The following GAS7 variants were observed in gnomAD, a reference collection of about 807,000 sequenced individuals.
GAS7 encodes the protein growth arrest-specific protein 7.
A neutral mutation model predicts 71.1 loss-of-function variants in GAS7; 28 were observed. The observed-to-expected ratio is 0.39, with a 90% CI of 0.29 to 0.54. GAS7 has a LOEUF of 0.54. GAS7 is among the 20% of genes least tolerant of loss of function. The pLI is 0.62. For missense variants in GAS7, 436 were observed against 627.8 expected (o/e 0.69, Z 3.27); for synonymous variants, 258 against 245.8 (o/e 1.05, Z -0.46).
intron 6 of GAS7, among the ~76,000 whole-genome samples, chr17:9,946,510 TG>T (rs558139833): frequency 3.9e-5 from 6 of 152,338 alleles, no homozygotes; most frequent in Admixed American, 3.9e-4. Context: ...ATGAGAACAC[TG>T]AGGCCCAAGG....
intron 1 of GAS7, among the ~76,000 whole-genome samples, chr17:10,137,271 A>G (rs1241413264): frequency 6.6e-6 from 1 of 152,004 alleles, no homozygotes; most frequent in Non-Finnish European, 1.5e-5. Context: ...CATATGGCTC[A>G]TTCCCTCTCC....
At chr17:10,157,286 G>A (rs947920329) in intron 1 of GAS7, among the ~76,000 whole-genome samples, 11 of 151,960 alleles carry the variant, frequency 7.2e-5, no homozygotes, top group Admixed American at 6.6e-5. Context: ...TGGAGCTGAC[G>A]AGGGGAATAA....
At chr17:10,121,237 C>T (rs1019785230) in intron 1 of GAS7, among the ~76,000 whole-genome samples, 1 of 151,980 alleles carries the variant, frequency 6.6e-6, no homozygotes, top group Non-Finnish European at 1.5e-5. Flanking sequence ...AAAAATTAGC[C>T]GGACGTGGTG....
chr17:10,046,948 C>T (rs1378123541), intron 1 of GAS7, among the ~76,000 whole-genome samples: 2 of 151,528 alleles, frequency 1.3e-5, no homozygotes, highest in Non-Finnish European at 2.9e-5. Context: ...AGACTTCACA[C>T]CTTCACCACT....
chr17:10,135,763 G>T (rs964693227), intron 1 of GAS7, among the ~76,000 whole-genome samples: 8 of 152,308 alleles, frequency 5.3e-5, no homozygotes, highest in African/African-American at 1.7e-4. Context: ...GAACTGGGGG[G>T]AGGGGGGTAC....
chr17:10,074,608 C>G (rs955807360), intron 1 of GAS7, among the ~76,000 whole-genome samples: 1 of 152,182 alleles, frequency 6.6e-6, no homozygotes, highest in Non-Finnish European at 1.5e-5. Flanking sequence ...AAATAGAAAA[C>G]CTGAATAGGT....
intron 3 of GAS7, among the ~76,000 whole-genome samples, chr17:9,980,064 TA>T (rs1286751111): frequency 6.7e-6 from 1 of 149,602 alleles, no homozygotes; most frequent in African/African-American, 2.6e-5. Context: ...CTTATTTTTT[TA>T]AAAATTTAAT....
At chr17:10,024,018 G>C (rs2072371115) in intron 1 of GAS7, among the ~76,000 whole-genome samples, 1 of 152,164 alleles carries the variant, frequency 6.6e-6, no homozygotes, top group Non-Finnish European at 1.5e-5. Context: ...CAGCTACTCA[G>C]GAGGCTGAGG....
At chr17:10,138,157 G>C (rs1020579479) in intron 1 of GAS7, among the ~76,000 whole-genome samples, 2 of 151,448 alleles carry the variant, frequency 1.3e-5, no homozygotes, top group Non-Finnish European at 2.9e-5. Context: ...AGTAGAGACC[G>C]GGTTTCACCA....
chr17:10,117,794 T>C (rs2073873371), intron 1 of GAS7, among the ~76,000 whole-genome samples: 1 of 152,134 alleles, frequency 6.6e-6, no homozygotes, highest in Non-Finnish European at 1.5e-5. Flanking sequence ...CAGCTGTGGC[T>C]CAGTCCAAGG....
At chr17:9,990,455 C>T (rs1191782768) in intron 2 of GAS7, among the ~76,000 whole-genome samples, 1 of 152,048 alleles carries the variant, frequency 6.6e-6, no homozygotes, top group Non-Finnish European at 1.5e-5. Context: ...TCATGACTGC[C>T]ACAATCTATT....
intron 9 of GAS7, among the ~76,000 whole-genome samples, chr17:9,927,479 CAA>C (rs565071341): frequency 2.4e-5 from 3 of 123,410 alleles, no homozygotes; most frequent in African/African-American, 9.2e-5. Flanking sequence ...GACTTGGTCT[CAA>C]AAAAAAAAAA....
At chr17:10,115,747 G>A (rs1301176163) in intron 1 of GAS7, among the ~76,000 whole-genome samples, 1 of 151,972 alleles carries the variant, frequency 6.6e-6, no homozygotes, top group Non-Finnish European at 1.5e-5. Flanking sequence ...GGTCTCCCCC[G>A]CCCCTAGTCC....
At chr17:9,973,354 A>T (rs1444997211) in intron 3 of GAS7, among the ~76,000 whole-genome samples, 1 of 151,948 alleles carries the variant, frequency 6.6e-6, no homozygotes, top group Admixed American at 6.6e-5. Flanking sequence ...CCCGGGTTCA[A>T]GTGATTCTCC....
At chr17:10,041,728 G>A (rs116337680) in intron 1 of GAS7, among the ~76,000 whole-genome samples, 6,473 of 152,140 alleles carry the variant, frequency 0.043, 458 homozygotes, top group African/African-American at 0.15. Flanking sequence ...TGAAAAACAC[G>A]CTACTGGTCT....
At chr17:10,060,925 T>C (rs1364300634) in intron 1 of GAS7, among the ~76,000 whole-genome samples, 1 of 152,008 alleles carries the variant, frequency 6.6e-6, no homozygotes, top group African/African-American at 2.4e-5. Flanking sequence ...ATGACGGAGG[T>C]GGGAGAGGCT....
chr17:9,965,480 G>A (rs1022166778), intron 4 of GAS7, among the ~76,000 whole-genome samples: 4 of 152,074 alleles, frequency 2.6e-5, no homozygotes, highest in Non-Finnish European at 4.4e-5. Context: ...TATGGACACC[G>A]GTGGGGGAAC....
intron 1 of GAS7, among the ~76,000 whole-genome samples, chr17:10,064,854 G>A (rs554237974): frequency 6.6e-5 from 10 of 152,266 alleles, no homozygotes; most frequent in Admixed American, 4.6e-4. Context: ...CTTTTCACTG[G>A]ATCTCGCTCT....
intron 5 of GAS7, among the ~76,000 whole-genome samples, chr17:9,957,014 C>T (rs944577114): frequency 2.6e-5 from 4 of 152,200 alleles, no homozygotes; most frequent in African/African-American, 7.2e-5. Flanking sequence ...GGTGGTACAC[C>T]GGGAAGTGTC....
Sources: gnomAD v4.1 joint callset for allele counts (sites outside exome capture counted in the v4.1 genomes callset) on GRCh38, gnomAD v4.1.1 for gene constraint, MANE v1.5 for transcripts, NCBI Gene and HGNC (gene_info 2026-07-23, HGNC 2026-07-21) for gene names.